Variants in TMEM179 observed in about 807,000 individuals in gnomAD.
The protein encoded by TMEM179 is transmembrane protein 179A.
TMEM179 carries 17 observed loss-of-function variants against 22.2 expected under a neutral mutation model. The observed-to-expected ratio is 0.77, with a 90% CI of 0.52 to 1.15. The LOEUF (loss-of-function observed/expected upper bound fraction) is 1.15, where lower values mean the gene tolerates loss of function less well. TMEM179 is among the 50% of genes most tolerant of loss of function. The pLI is 0.00. For synonymous variants in TMEM179, 127 were observed against 140.5 expected, an observed-to-expected ratio of 0.90 and a Z score of 0.68; for missense variants, 265 against 313.6, an observed-to-expected ratio of 0.84 and a Z score of 1.17.
chr14:104,597,223 A>C lies in TMEM179; in HGVS notation c.306-96T>G. The C allele has an allele frequency of 1.2e-5, 17 of 1,463,758 alleles. No homozygotes were observed. The highest frequency in any genetic ancestry group is 1.4e-5 in the African/African-American group (1 of 71,094). The allele number at this position is 1,463,758 out of a possible 1,614,324, so 90.7% of individuals were successfully genotyped here. On this transcript the variant is annotated intron_variant, in intron 1 of 3. Transcript: ENST00000556573. The surrounding 1 kb of genome is among the most constrained non-coding windows in gnomAD (Gnocchi z 4.8). ...AGCCAGAAACAGGAGGGGCAGGCTC[A>C]CTGGACGCCATCTCCTGGGCAACCC... is the stretch of plus-strand genomic sequence containing the variant.
intron 1 of TMEM179, among the ~76,000 whole-genome samples, chr14:104,602,320 T>C (rs774973815): frequency 1.2e-4 from 19 of 152,124 alleles, no homozygotes; most frequent in Non-Finnish European, 2.5e-4. Flanking sequence ...TCTGACCACA[T>C]AGCTGGGTCC....
chr14:104,603,729 T>C (rs1468481304), intron 1 of TMEM179, among the ~76,000 whole-genome samples: 3 of 151,486 alleles, frequency 2.0e-5, no homozygotes, highest in Non-Finnish European at 4.4e-5. Context: ...GCAGAGGGAG[T>C]GGGTGGGCCC....
chr14:104,600,314 G>T (rs1887191825), intron 1 of TMEM179, among the ~76,000 whole-genome samples: 1 of 152,202 alleles, frequency 6.6e-6, no homozygotes, highest in Non-Finnish European at 1.5e-5. Flanking sequence ...TCTCTTCACT[G>T]CCGCTCAGGG....
Position 104,593,112 on chromosome 14 carries a change from T to C in TMEM179, c.*367A>G. The C allele has an allele frequency of 3.3e-6, 1 of 305,430 alleles. No individual in the cohort carries two copies. Among genetic ancestry groups the C allele is most frequent in the Non-Finnish European group, 6.1e-6 (1 of 163,382 alleles). The allele number at this position is 305,430 out of a possible 1,614,324, so 18.9% of individuals were successfully genotyped here. A position where few individuals can be genotyped will look rare whatever the true frequency, so the allele number is the denominator to read the frequency against. ...CTGGCCACCCCTGGGCCAGCTGGCA[T>C]GGAGACAGCATCCGGCCAGGGTTGG... On this transcript the variant is annotated 3_prime_UTR_variant, in exon 4 of 4. Coordinates refer to ENST00000556573, the MANE Select transcript of TMEM179 (RefSeq NM_001286389.2).
chr14:104,597,279 T>C lies in TMEM179; in HGVS notation c.306-152A>G, dbSNP rs985443597. The C allele has an allele frequency of 1.0e-5, 12 of 1,150,276 alleles. No homozygotes were observed. The African/African-American group carries it at 1.7e-4, about 16-fold the overall frequency. The allele number at this position is 1,150,276 out of a possible 1,614,324, so 71.3% of individuals were successfully genotyped here. ...AGCAGCACCCCCCGGACCCTCAGGA[T>C]TCCTGGGTTGGGCCCTGTGGGGCCT... On this transcript the variant is annotated intron_variant, in intron 1 of 3. Transcript: ENST00000556573. The surrounding 1 kb of genome is among the most constrained non-coding windows in gnomAD (Gnocchi z 4.8).
chr14:104,595,858 G>T lies in TMEM179; in HGVS notation c.444-615C>A, dbSNP rs950249579. On this transcript the variant is annotated intron_variant, in intron 2 of 3. Coordinates refer to ENST00000556573, the MANE Select transcript of TMEM179 (RefSeq NM_001286389.2). This position sits in a 1 kb window ranked among gnomAD's most constrained non-coding sequence, Gnocchi z 5.7. ...CTGCACCCCCAACATAAAACGTGAA[G>T]CCAGGACACATTGACAGGAGCAGGG... Among the ~76,000 whole-genome samples, 1 of 152,250 alleles carries T rather than the reference G, an allele frequency of 6.6e-6. No homozygotes were observed. The highest frequency in any genetic ancestry group is 1.5e-5 in the Non-Finnish European group (1 of 68,042).
chr14:104,593,202 G>T lies in TMEM179; in HGVS notation c.*277C>A, dbSNP rs774775557. 1.9e-6 allele frequency: 1 copy of T among 528,870 alleles called. No homozygotes were observed. The highest frequency in any genetic ancestry group is 2.4e-5 in the South Asian group (1 of 42,062). 32.8% of individuals were successfully genotyped at this position (528,870 alleles called of 1,614,324 possible). On this transcript the variant is annotated 3_prime_UTR_variant, in exon 4 of 4. Coordinates refer to ENST00000556573, the MANE Select transcript of TMEM179 (RefSeq NM_001286389.2). ...CAGGTCCTACTGGGACAGCCAAGGG[G>T]CCCTGTGCGAGGCCTGGAGGTGCCC... is the stretch of plus-strand genomic sequence containing the variant.
chr14:104,595,213 C>A lies in TMEM179; in HGVS notation c.474G>T (p.Glu158Asp). ...SCEELQDIDLELGVDNSAFYD... is the reference protein window; with the variant it reads ...SCEELQDIDLDLGVDNSAFYD... ...AGAAGGCGGAGTTGTCCACGCCCAGCTCCAAGTCGATGTCCTGGAGCTCTT... is the reference window on the plus strand; with the variant it reads ...AGAAGGCGGAGTTGTCCACGCCCAGATCCAAGTCGATGTCCTGGAGCTCTT... The change falls in exon 3 of 4, where the codon GAG becomes GAT. Residue 158 changes from glutamate (E) to aspartate (D), a missense_variant. By Grantham distance (45) the Glu-to-Asp change is conservative. Coordinates refer to ENST00000556573, the MANE Select transcript of TMEM179 (RefSeq NM_001286389.2). This position sits in a 1 kb window ranked among gnomAD's most constrained non-coding sequence, Gnocchi z 5.7. 6.2e-7 allele frequency: 1 copy of A among 1,613,574 alleles called. No individual in the cohort carries two copies. Among genetic ancestry groups the A allele is most frequent in the Non-Finnish European group, 8.5e-7 (1 of 1,179,918 alleles).
Position 104,591,424 on chromosome 14 carries a change from G to A in TMEM179, c.*2055C>T, listed in dbSNP as rs914276521. 4 of 455,862 alleles carry A rather than the reference G, an allele frequency of 8.8e-6. No homozygotes were observed. Among genetic ancestry groups the A allele is most frequent in the Admixed American group, 2.4e-5 (1 of 42,540 alleles). The allele number at this position is 455,862 out of a possible 1,614,324, so 28.2% of individuals were successfully genotyped here. Reference sequence around the variant, plus strand: ...GACAAGGAGCTCTCCGGACTGGAAAGAGTCCCCATGTCCAGTGGGTCAGGG... The same window carrying A: ...GACAAGGAGCTCTCCGGACTGGAAAAAGTCCCCATGTCCAGTGGGTCAGGG... On this transcript the variant is annotated 3_prime_UTR_variant, in exon 4 of 4. Transcript: ENST00000556573.
chr14:104,594,498 A>G, intron 3 of TMEM179: 1 of 1,231,658 alleles, frequency 8.1e-7, no homozygotes, highest in African/African-American at 1.5e-5. Flanking sequence ...TCTGGGGCAC[A>G]TCTGCAGATT....
Position 104,604,449 on chromosome 14 carries a change from T to A in TMEM179, c.293A>T (p.Lys98Met). The A allele has an allele frequency of 6.3e-7, 1 of 1,576,348 alleles. No individual in the cohort carries two copies. The highest frequency in any genetic ancestry group is 8.6e-7 in the Non-Finnish European group (1 of 1,166,762). Reference protein sequence around the residue: ...HAWRTLFFLCKGHEGSFFSAF... With the variant: ...HAWRTLFFLCMGHEGSFFSAF... ...GGCCCCCACTTACCCCTCGTGTCCC[T>A]TGCAGAGGAAGAAGAGCGTGCGCCA... Residue 98 changes from lysine (K) to methionine (M), a missense_variant, in exon 1 of 4, where the codon AAG (lysine) becomes ATG (methionine). Lys to Met is a moderately conservative substitution (Grantham distance 95). Transcript: ENST00000556573. This position sits in a 1 kb window ranked among gnomAD's most constrained non-coding sequence, Gnocchi z 4.6.
chr14:104,602,815 C>T (rs1887285038), intron 1 of TMEM179, among the ~76,000 whole-genome samples: 1 of 152,228 alleles, frequency 6.6e-6, no homozygotes, highest in Non-Finnish European at 1.5e-5. Flanking sequence ...TCTACTGACC[C>T]CCATCCAGAA....
In TMEM179 at chr14:104,591,254, A is replaced by G. The variant is rs1886834987; in HGVS notation, c.*2225T>C. On this transcript the variant is annotated 3_prime_UTR_variant, in exon 4 of 4. Coordinates refer to ENST00000556573, the MANE Select transcript of TMEM179 (RefSeq NM_001286389.2). The stretch of plus-strand genomic sequence containing the variant: ...GGGATCCAGCAGTGCAGCCCCCAAG[A>G]ACAGACCCAACCGGGGCCAAGCCTC... The G allele has an allele frequency of 2.4e-6, 1 of 415,732 alleles. No individual in the cohort carries two copies. The highest frequency in any genetic ancestry group is 2.0e-5 in the African/African-American group (1 of 48,928). 25.8% of individuals were successfully genotyped at this position (415,732 alleles called of 1,614,324 possible).
At chr14:104,603,376 G>A (rs1003988643) in intron 1 of TMEM179, among the ~76,000 whole-genome samples, 4 of 152,182 alleles carry the variant, frequency 2.6e-5, no homozygotes, top group Admixed American at 6.5e-5. Flanking sequence ...AAGGATGGGG[G>A]TGAGGGCAGA....
rs753811404 is a variant in TMEM179, at chr14:104,597,158, C to A, written c.306-31G>T. On this transcript the variant is annotated intron_variant, in intron 1 of 3. Coordinates refer to ENST00000556573, the MANE Select transcript of TMEM179 (RefSeq NM_001286389.2). This position sits in a 1 kb window ranked among gnomAD's most constrained non-coding sequence, Gnocchi z 4.8. ...GCCAGAAACAGGAGGGGCAGGCTCA[C>A]TGGACACCACCTCCCAGGCGACCCC... is the stretch of plus-strand genomic sequence containing the variant. 1 of 1,557,534 alleles carries A rather than the reference C, an allele frequency of 6.4e-7. No homozygotes were observed. The highest frequency in any genetic ancestry group is 8.7e-7 in the Non-Finnish European group (1 of 1,153,506).
chr14:104,597,651 A>G lies in TMEM179; in HGVS notation c.306-524T>C, dbSNP rs1229424256. Among the ~76,000 whole-genome samples, 2 of 152,164 alleles carry G rather than the reference A, an allele frequency of 1.3e-5. No homozygotes were observed. Among genetic ancestry groups the G allele is most frequent in the African/African-American group, 4.8e-5 (2 of 41,434 alleles). Reference sequence around the variant, plus strand: ...AGACCCCACCAAGCGAGCTCCCAGCAGATAACGACACAGCAAGAGGAACGG... The same window carrying G: ...AGACCCCACCAAGCGAGCTCCCAGCGGATAACGACACAGCAAGAGGAACGG... On this transcript the variant is annotated intron_variant, in intron 1 of 3. Coordinates refer to ENST00000556573, the MANE Select transcript of TMEM179 (RefSeq NM_001286389.2). The surrounding 1 kb of genome is among the most constrained non-coding windows in gnomAD (Gnocchi z 4.8).
intron 1 of TMEM179, among the ~76,000 whole-genome samples, chr14:104,600,848 C>T (rs1354881537): frequency 6.6e-6 from 1 of 152,220 alleles, no homozygotes; most frequent in Non-Finnish European, 1.5e-5. Flanking sequence ...CTCAAACAGA[C>T]CTCACACAGG....
chr14:104,599,841 C>A (rs1887178903), intron 1 of TMEM179, among the ~76,000 whole-genome samples: 1 of 152,144 alleles, frequency 6.6e-6, no homozygotes, highest in Admixed American at 6.5e-5. Context: ...CTGGTGCCTG[C>A]AAATACCTGG....
At chr14:104,601,350 AC>A (rs1887231935) in intron 1 of TMEM179, among the ~76,000 whole-genome samples, 1 of 152,124 alleles carries the variant, frequency 6.6e-6, no homozygotes, top group African/African-American at 2.4e-5. Context: ...CATTCAACAA[AC>A]ATTATCTGGG....
Sources: gnomAD v4.1 joint callset for allele counts (sites outside exome capture counted in the v4.1 genomes callset) on GRCh38, gnomAD v4.1.1 for gene constraint, Gnocchi (gnomAD v3.1) non-coding constraint, MANE v1.5 for transcripts, NCBI Gene and HGNC (gene_info 2026-07-23, HGNC 2026-07-21) for gene names.